The following SLC15A2 variants were observed in gnomAD, a reference collection of about 807,000 sequenced individuals.
The protein encoded by SLC15A2 is kidney H(+)/peptide cotransporter.
SLC15A2 carries 77 observed loss-of-function variants against 95.5 expected under a neutral mutation model. That is an observed-to-expected ratio of 0.81 (90% CI 0.67 to 0.97). The LOEUF is 0.97. Among genes scored for constraint, SLC15A2 ranks in the 50% least tolerant of loss-of-function variants. The pLI is 0.00. For synonymous variants in SLC15A2, 306 were observed against 306.9 expected, an observed-to-expected ratio of 1.00 and a Z score of 0.03; for missense variants, 893 against 874.4, an observed-to-expected ratio of 1.02 and a Z score of -0.27.
intron 19 of SLC15A2, among the ~76,000 whole-genome samples, chr3:121,936,690 C>T (rs1279209359): frequency 6.6e-6 from 1 of 151,210 alleles, no homozygotes; most frequent in Non-Finnish European, 1.5e-5. Flanking sequence ...CTGAATACAG[C>T]ACACTGATGG....
At chr3:121,914,499 T>G (rs1044642919) in intron 5 of SLC15A2, among the ~76,000 whole-genome samples, 4 of 152,192 alleles carry the variant, frequency 2.6e-5, no homozygotes, top group Non-Finnish European at 5.9e-5. Context: ...AAGCACTAGG[T>G]GAACTATCCT....
At chr3:121,936,326 C>T (rs1459806187) in intron 19 of SLC15A2, among the ~76,000 whole-genome samples, 1 of 152,054 alleles carries the variant, frequency 6.6e-6, no homozygotes, top group Non-Finnish European at 1.5e-5. Flanking sequence ...TCCTTGTTGA[C>T]TTTCTGTCTC....
Position 121,911,647 on chromosome 3 carries a change from G to C in SLC15A2, c.409G>C (p.Gly137Arg). The C allele has an allele frequency of 6.2e-7, 1 of 1,611,698 alleles. No individual in the cohort carries two copies. The highest frequency in any genetic ancestry group is 8.5e-7 in the Non-Finnish European group (1 of 1,177,854). Residue 137 changes from glycine to arginine, a missense_variant, in exon 4 of 22, where the codon GGA becomes CGA. Transcript: ENST00000489711. ...GTCCTTGGGTGCCTTACCAATACTG[G>C]GAGGACAAGTGGTACACACGTGAGT... ...IKSLGALPIL[G>R]GQVVHTVLSL... is the part of the protein sequence containing the mutation.
intron 7 of SLC15A2, among the ~76,000 whole-genome samples, chr3:121,919,743 A>C (rs1212174153): frequency 6.6e-6 from 1 of 152,192 alleles, no homozygotes; most frequent in Non-Finnish European, 1.5e-5. Context: ...TATCAGTAAG[A>C]AAGTGAAATA....
At chr3:121,926,298 A>T (rs1218725203) in intron 13 of SLC15A2, among the ~76,000 whole-genome samples, 1 of 152,060 alleles carries the variant, frequency 6.6e-6, no homozygotes, top group East Asian at 1.9e-4. Flanking sequence ...GATCATGGGG[A>T]TGAATTCCTC....
chr3:121,941,233 T>C lies in SLC15A2; in HGVS notation c.*226T>C, dbSNP rs900058598. ...AGTGAACTCATTAAAACTTGTGCAG[T>C]GTTGCTGGAGCTGGCCTGGTGTCTC... is the stretch of plus-strand genomic sequence containing the variant. On this transcript the variant is annotated 3_prime_UTR_variant, in exon 22 of 22. Coordinates refer to ENST00000489711, the MANE Select transcript of SLC15A2 (RefSeq NM_021082.4). 2.4e-6 allele frequency: 1 copy of C among 418,272 alleles called. No individual in the cohort carries two copies. The highest frequency in any genetic ancestry group is 4.2e-6 in the Non-Finnish European group (1 of 235,598). The allele number at this position is 418,272 out of a possible 1,614,324, so 25.9% of individuals were successfully genotyped here. A position where few individuals can be genotyped will look rare whatever the true frequency, so the allele number is the denominator to read the frequency against.
Position 121,940,982 on chromosome 3 carries a change from T to C in SLC15A2, c.2165T>C (p.Leu722Pro), listed in dbSNP as rs752705808. Reference protein sequence around the residue: ...IPHIQGNMIKLETKKTKL With the variant: ...IPHIQGNMIKPETKKTKL ...CACATCCAGGGGAACATGATCAAACTAGAGACCAAGAAGACAAAACTCTGA... is the reference window on the plus strand; with the variant it reads ...CACATCCAGGGGAACATGATCAAACCAGAGACCAAGAAGACAAAACTCTGA... Residue 722 changes from leucine (L) to proline (P), a missense_variant, in exon 22 of 22, where the codon CTA (leucine) becomes CCA (proline). Transcript: ENST00000489711. 6.2e-7 allele frequency: 1 copy of C among 1,613,812 alleles called. No homozygotes were observed. The highest frequency in any genetic ancestry group is 8.5e-7 in the Non-Finnish European group (1 of 1,179,898).
chr3:121,934,510 A>T (rs906448318), intron 19 of SLC15A2, among the ~76,000 whole-genome samples: 4 of 151,370 alleles, frequency 2.6e-5, no homozygotes, highest in African/African-American at 7.3e-5. Context: ...TAGGTATTTT[A>T]TTCTCTTTGA....
At chr3:121,938,445 G>C (rs1446979175) in intron 19 of SLC15A2, among the ~76,000 whole-genome samples, 1 of 152,358 alleles carries the variant, frequency 6.6e-6, no homozygotes, top group African/African-American at 2.4e-5. Flanking sequence ...CTCCCAGCCA[G>C]GTGTGGGATA....
chr3:121,905,340 C>A (rs1345750122), intron 3 of SLC15A2, among the ~76,000 whole-genome samples: 1 of 152,122 alleles, frequency 6.6e-6, no homozygotes, highest in Admixed American at 6.6e-5. Flanking sequence ...TTTTGTGTCT[C>A]TATCTCCTTC....
In SLC15A2 at chr3:121,915,513, A is replaced by G. The variant is rs111818701; in HGVS notation, c.620-103A>G. ...GGGAGGAAAGAGGGTGGTTATGTCT[A>G]TTCTACAAGCTCAGGTTTATTCAAC... is the stretch of plus-strand genomic sequence containing the variant. On this transcript the variant is annotated intron_variant, in intron 6 of 21. Transcript: ENST00000489711. 2,081 of 927,736 alleles carry G rather than the reference A, an allele frequency of 2.2e-3. 24 individuals are homozygous for G. In the African/African-American group the frequency reaches 0.028, roughly 13 times the overall value. The allele number at this position is 927,736 out of a possible 1,614,324, so 57.5% of individuals were successfully genotyped here.
intron 12 of SLC15A2, among the ~76,000 whole-genome samples, chr3:121,924,689 G>C (rs1018869621): frequency 1.3e-5 from 2 of 152,186 alleles, no homozygotes; most frequent in Non-Finnish European, 2.9e-5. Context: ...TGAGAGGAAA[G>C]AGCTCACAAT....
At position 121,913,117 on chromosome 3, in the gene SLC15A2, A is replaced by C; in HGVS notation, c.525A>C (p.Lys175Asn). The change falls in exon 5 of 22, where the codon AAA becomes AAC. Residue 175 changes from lysine to asparagine, a missense_variant. Lys to Asn is a moderately conservative substitution (Grantham distance 94). Transcript: ENST00000489711. ...TTGGTGGAGACCAGTTTGAAGAAAAACATGTAAGAATCCTGTTATTTTGTA... is the reference window on the plus strand; with the variant it reads ...TTGGTGGAGACCAGTTTGAAGAAAACCATGTAAGAATCCTGTTATTTTGTA... ...AAFGGDQFEE[K>N]HAEERTRYFS... 6.2e-7 allele frequency: 1 copy of C among 1,610,306 alleles called. No homozygotes were observed.
At chr3:121,934,886 T>C (rs575577061) in intron 19 of SLC15A2, among the ~76,000 whole-genome samples, 33 of 152,042 alleles carry the variant, frequency 2.2e-4, no homozygotes, top group South Asian at 6.2e-4. Flanking sequence ...TTCAGTATGA[T>C]ATTGGCTGTG....
At chr3:121,895,444 G>T (rs1207313407) in intron 1 of SLC15A2, 2 of 152,010 alleles carry the variant, frequency 1.3e-5, no homozygotes, top group Non-Finnish European at 2.9e-5. Context: ...ATATTTAGGA[G>T]GATCATTTAT....
chr3:121,920,677 A>C (rs745560301), intron 7 of SLC15A2, among the ~76,000 whole-genome samples: 1 of 152,186 alleles, frequency 6.6e-6, no homozygotes, highest in Non-Finnish European at 1.5e-5. Flanking sequence ...CAACCATGAG[A>C]AGGGTATTAT....
chr3:121,936,223 GA>G (rs1234290269), intron 19 of SLC15A2, among the ~76,000 whole-genome samples: 1 of 152,096 alleles, frequency 6.6e-6, no homozygotes, highest in Non-Finnish European at 1.5e-5. Context: ...GTGTGGTGCT[GA>G]AAAAAATGTA....
intron 19 of SLC15A2, among the ~76,000 whole-genome samples, chr3:121,936,567 A>C (rs575418051): frequency 3.3e-4 from 50 of 151,022 alleles, no homozygotes; most frequent in African/African-American, 9.2e-4. Flanking sequence ...AGTCTGTTTT[A>C]TCAGAGACTA....
intron 21 of SLC15A2, 55 bp from the exon 22 acceptor site, chr3:121,940,776 A>T (rs1378343919): frequency 5.8e-6 from 9 of 1,546,624 alleles, no homozygotes; most frequent in African/African-American, 1.4e-5. Context: ...TCCTGTAAAG[A>T]TCTCTTTAGT....
Sources: allele counts gnomAD v4.1 joint callset (sites outside exome capture counted in the v4.1 genomes callset), GRCh38; gene constraint gnomAD v4.1.1; transcripts MANE v1.5; gene names NCBI Gene and HGNC (gene_info 2026-07-23, HGNC 2026-07-21).